WDR37: variants seen among roughly 807,000 people sequenced by gnomAD.
WDR37 encodes WD repeat-containing protein 37.
WDR37 carries 19 observed loss-of-function variants against 62.9 expected under a neutral mutation model. The ratio of observed to expected loss-of-function variants is 0.30; its 90% CI spans 0.21 to 0.44. WDR37 has a LOEUF of 0.44. Among genes scored for constraint, WDR37 ranks in the 20% least tolerant of loss-of-function variants. The pLI, the probability that WDR37 is intolerant of heterozygous loss-of-function variation, is 1.00. For synonymous variants in WDR37, 250 were observed against 260.9 expected, an observed-to-expected ratio of 0.96 and a Z score of 0.40; for missense variants, 474 against 657.6, an observed-to-expected ratio of 0.72 and a Z score of 3.05.
chr10:1,107,771 C>G (rs1564509489), intron 11 of WDR37, among the ~76,000 whole-genome samples: 1 of 151,946 alleles, frequency 6.6e-6, no homozygotes, highest in South Asian at 2.1e-4. Flanking sequence ...ACGCACTACC[C>G]TGTCACCTAG....
chr10:1,089,189 G>A (rs1420454626), intron 7 of WDR37, among the ~76,000 whole-genome samples: 1 of 151,990 alleles, frequency 6.6e-6, no homozygotes. Context: ...CTCATGCCCA[G>A]TTTAGGTGCT....
chr10:1,059,072 A>T (rs1454343007), intron 1 of WDR37, among the ~76,000 whole-genome samples: 1 of 152,212 alleles, frequency 6.6e-6, no homozygotes, highest in East Asian at 1.9e-4. Context: ...TTTCAAATGA[A>T]AGTGTAAATT....
intron 4 of WDR37, 105 bp downstream of exon 4, chr10:1,080,211 T>G (rs976960394): frequency 1.1e-4 from 143 of 1,350,060 alleles, no homozygotes; most frequent in Non-Finnish European, 1.4e-4. Flanking sequence ...TCAGCAGACC[T>G]CGAACTATCT....
At chr10:1,127,744 T>C (rs1835842945) in intron 13 of WDR37, among the ~76,000 whole-genome samples, 1 of 152,222 alleles carries the variant, frequency 6.6e-6, no homozygotes, top group Non-Finnish European at 1.5e-5. Context: ...TGAGGGTCCC[T>C]GTGATGTGGA....
At chr10:1,098,577 G>T (rs1446145423) in intron 9 of WDR37, among the ~76,000 whole-genome samples, 1 of 152,038 alleles carries the variant, frequency 6.6e-6, no homozygotes, top group Non-Finnish European at 1.5e-5. Flanking sequence ...CGCCCTCCTC[G>T]GCCTCCCAAA....
chr10:1,082,521 C>T (rs754500987), intron 5 of WDR37, among the ~76,000 whole-genome samples: 6 of 152,292 alleles, frequency 3.9e-5, no homozygotes, highest in Middle Eastern at 3.4e-3. Context: ...TAGATTGCGC[C>T]GCAGTTCAAA....
chr10:1,130,637 C>T lies in WDR37; in HGVS notation c.*1293C>T, dbSNP rs1479909689. On this transcript the variant is annotated 3_prime_UTR_variant, in exon 14 of 14. Transcript: ENST00000263150. ...TGTATATTCAGTCCTTTCAATACGTCCACCTGGAGGCTCACCACTTGGAGA... is the reference window on the plus strand; with the variant it reads ...TGTATATTCAGTCCTTTCAATACGTTCACCTGGAGGCTCACCACTTGGAGA... The T allele has an allele frequency of 6.6e-6, 1 of 152,242 alleles. No individual in the cohort carries two copies. Among genetic ancestry groups the T allele is most frequent in the Non-Finnish European group, 1.5e-5 (1 of 68,052 alleles). The allele number at this position is 152,242 out of a possible 1,614,324, so 9.4% of individuals were successfully genotyped here. A position where few individuals can be genotyped will look rare whatever the true frequency, so the allele number is the denominator to read the frequency against.
intron 7 of WDR37, among the ~76,000 whole-genome samples, chr10:1,089,337 A>G (rs1834305576): frequency 6.6e-6 from 1 of 151,938 alleles, no homozygotes; most frequent in Non-Finnish European, 1.5e-5. Flanking sequence ...GCCTTGAGGG[A>G]GTGCGTCAGC....
At chr10:1,090,243 C>G (rs1834342070) in intron 7 of WDR37, among the ~76,000 whole-genome samples, 1 of 152,156 alleles carries the variant, frequency 6.6e-6, no homozygotes, top group African/African-American at 2.4e-5. Context: ...ACTGCAACTT[C>G]CGCATCCCTG....
At chr10:1,090,923 C>T (rs1834364417) in intron 7 of WDR37, among the ~76,000 whole-genome samples, 1 of 152,156 alleles carries the variant, frequency 6.6e-6, no homozygotes. Context: ...GGCTCACGTG[C>T]TGCCCCGGCC....
intron 11 of WDR37, among the ~76,000 whole-genome samples, chr10:1,120,126 G>A (rs1191793709): frequency 6.6e-6 from 1 of 152,248 alleles, no homozygotes; most frequent in Non-Finnish European, 1.5e-5. Flanking sequence ...AGTCCTCTGA[G>A]TTCGTCAAAT....
chr10:1,066,235 C>T lies in WDR37; in HGVS notation c.-40-5881C>T, dbSNP rs552251646. The stretch of plus-strand genomic sequence containing the variant: ...GGTTGATGCCATTCTCCTGCCTCAG[C>T]CTCCTGAGTATCTGGGACTACAGGT... On this transcript the variant is annotated intron_variant, in intron 1 of 13. Coordinates refer to ENST00000263150, the MANE Select transcript of WDR37 (RefSeq NM_014023.4). Among the ~76,000 whole-genome samples the T allele has an allele frequency of 2.3e-3, 344 of 152,272 alleles. 3 individuals carry two copies. Among genetic ancestry groups the T allele is most frequent in the African/African-American group, 7.9e-3 (329 of 41,548 alleles).
intron 2 of WDR37, among the ~76,000 whole-genome samples, chr10:1,077,633 A>G (rs1833918873): frequency 6.6e-6 from 1 of 152,172 alleles, no homozygotes; most frequent in South Asian, 2.1e-4. Flanking sequence ...AGGTAGGCTT[A>G]TGTCCTCTCT....
intron 13 of WDR37, among the ~76,000 whole-genome samples, chr10:1,126,403 C>CT (rs1835776944): frequency 8.0e-6 from 1 of 125,666 alleles, no homozygotes; most frequent in Non-Finnish European, 1.7e-5. Context: ...GAGACTGTGT[C>CT]TCAGAAAAAA....
At chr10:1,129,096 A>G in intron 13 of WDR37, 117 bp from the exon 14 acceptor site, 1 of 1,425,010 alleles carries the variant, frequency 7.0e-7, no homozygotes, top group South Asian at 1.4e-5. Context: ...CCTGCACACC[A>G]TGTTGTTTTC....
At chr10:1,108,270 T>C (rs2131668535) in intron 11 of WDR37, among the ~76,000 whole-genome samples, 1 of 152,364 alleles carries the variant, frequency 6.6e-6, no homozygotes, top group Middle Eastern at 3.4e-3. Flanking sequence ...ATTTAGATAT[T>C]ATGTCCTTTG....
At position 1,096,229 on chromosome 10, in the gene WDR37, C is replaced by T. The variant is rs373802884; in HGVS notation, c.709C>T (p.Pro237Ser). 5 of 1,614,010 alleles carry T rather than the reference C, an allele frequency of 3.1e-6. No homozygotes were observed. The highest frequency in any genetic ancestry group is 1.3e-5 in the African/African-American group (1 of 74,918). ...CGCGGTGCAGCTGCCGACACCCCAG[C>T]CTGTTGCTGACACTAGTGTAAGCAC... is the stretch of plus-strand genomic sequence containing the variant. ...RYAVQLPTPQPVADTSISGED... is the reference protein window; with the variant it reads ...RYAVQLPTPQSVADTSISGED... Residue 237 changes from proline (P) to serine (S), a missense_variant, in exon 9 of 14, where the codon CCT becomes TCT. Pro to Ser is a moderately conservative substitution (Grantham distance 74). Coordinates refer to ENST00000263150, the MANE Select transcript of WDR37 (RefSeq NM_014023.4).
chr10:1,096,601 G>A, intron 9 of WDR37: 1 of 267,930 alleles, frequency 3.7e-6, no homozygotes, highest in East Asian at 7.9e-5. Context: ...CTCCAGCACT[G>A]TGAGAAAATA....
intron 5 of WDR37, among the ~76,000 whole-genome samples, chr10:1,082,533 G>A (rs941995162): frequency 3.9e-5 from 6 of 152,198 alleles, no homozygotes; most frequent in East Asian, 1.9e-4. Flanking sequence ...CAGTTCAAAC[G>A]ATCTGGGATG....
Sources: gnomAD v4.1 joint callset for allele counts (sites outside exome capture counted in the v4.1 genomes callset) on GRCh38, gnomAD v4.1.1 for gene constraint, MANE v1.5 for transcripts, NCBI Gene and HGNC (gene_info 2026-07-23, HGNC 2026-07-21) for gene names.